The following WFDC11 variants were observed in gnomAD, a reference collection of about 807,000 sequenced individuals.
The protein encoded by WFDC11 is protein WFDC11.
Under a neutral mutation model 9.9 loss-of-function variants are expected in WFDC11, and 9 were observed. The observed-to-expected ratio is 0.91, with a 90% CI of 0.55 to 1.58. WFDC11 has a LOEUF of 1.58. Among genes scored for constraint, WFDC11 ranks in the 40% most tolerant of loss-of-function variants. The pLI, the probability that WFDC11 is intolerant of heterozygous loss-of-function variation, is 0.00. For missense variants in WFDC11, 106 were observed against 101.7 expected, an observed-to-expected ratio of 1.04 and a Z score of -0.18; for synonymous variants, 32 against 33.3, an observed-to-expected ratio of 0.96 and a Z score of 0.13.
chr20:45,663,980 G>T (rs1272658768), intron 2 of WFDC11, among the ~76,000 whole-genome samples: 1 of 152,194 alleles, frequency 6.6e-6, no homozygotes, highest in Non-Finnish European at 1.5e-5. Context: ...GGATATCCTT[G>T]TTAACCCTCT....
rs755525184 is a variant in WFDC11 at position 45,650,467 on chromosome 20, C to A, written c.100+34G>T. ...CTTGTTCAGAAACAAGCTCATCCCC[C>A]TCCTGTGGCCCCTAATCCAGCCTCA... On this transcript the variant is annotated intron_variant, in intron 3 of 4. Transcript: ENST00000324384. The A allele has an allele frequency of 1.5e-5, 23 of 1,573,944 alleles. No homozygotes were observed. The African/African-American group carries it at 2.7e-4, about 18-fold the overall frequency.
chr20:45,660,601 T>G (rs1983035760), intron 2 of WFDC11, among the ~76,000 whole-genome samples: 1 of 152,132 alleles, frequency 6.6e-6, no homozygotes, highest in Non-Finnish European at 1.5e-5. Context: ...GAGTGTGATG[T>G]TCCCCTTTCT....
intron 2 of WFDC11, among the ~76,000 whole-genome samples, chr20:45,658,591 C>G (rs1346591239): frequency 6.6e-6 from 1 of 151,882 alleles, no homozygotes; most frequent in Non-Finnish European, 1.5e-5. Flanking sequence ...GATTTTCTCT[C>G]TTATTTTCTC....
At chr20:45,666,137 C>T (rs373073391) in intron 2 of WFDC11, among the ~76,000 whole-genome samples, 2 of 152,166 alleles carry the variant, frequency 1.3e-5, no homozygotes, top group East Asian at 3.8e-4. Flanking sequence ...TGATGGACAC[C>T]CCTCCCCCCG....
chr20:45,660,564 C>A (rs1983034545), intron 2 of WFDC11, among the ~76,000 whole-genome samples: 1 of 152,104 alleles, frequency 6.6e-6, no homozygotes, highest in African/African-American at 2.4e-5. Context: ...ATCCCTCCCG[C>A]CTCTCCCCAC....
At chr20:45,652,620 T>C (rs1568661348) in intron 2 of WFDC11, among the ~76,000 whole-genome samples, 1 of 150,940 alleles carries the variant, frequency 6.6e-6, no homozygotes, top group Non-Finnish European at 1.5e-5. Flanking sequence ...CTTCAGACGA[T>C]CAAACTACTC....
At chr20:45,649,207 G>A in intron 4 of WFDC11, 50 bp downstream of exon 4, 1 of 1,604,090 alleles carries the variant, frequency 6.2e-7, no homozygotes, top group Non-Finnish European at 8.5e-7. Flanking sequence ...TCCGAGAAGG[G>A]AATGAGAATC....
At chr20:45,660,816 T>C (rs1983043236) in intron 2 of WFDC11, among the ~76,000 whole-genome samples, 2 of 152,232 alleles carry the variant, frequency 1.3e-5, no homozygotes, top group African/African-American at 4.8e-5. Context: ...CAGTCTATCA[T>C]TGTTGGACAT....
Position 45,648,804 on chromosome 20 carries a change from C to G in WFDC11, c.244-65G>C, listed in dbSNP as rs571768870. 310 of 1,511,108 alleles carry G rather than the reference C, an allele frequency of 2.1e-4. 3 individuals are homozygous for G. In the South Asian group the frequency reaches 3.4e-3, roughly 16 times the overall value. The allele number at this position is 1,511,108 out of a possible 1,614,324, so 93.6% of individuals were successfully genotyped here. A position where few individuals can be genotyped will look rare whatever the true frequency, so the allele number is the denominator to read the frequency against. On this transcript the variant is annotated intron_variant, in intron 4 of 4. Coordinates refer to ENST00000324384, the MANE Select transcript of WFDC11 (RefSeq NM_147197.2). ...CTCTGAGAAACAAGCATTCATTCCC[C>G]CTGCTTAATAGTATCCATGTTCACC... is the stretch of plus-strand genomic sequence containing the variant.
chr20:45,650,410 A>T, intron 3 of WFDC11, 91 bp downstream of exon 3: 1 of 1,026,052 alleles, frequency 9.7e-7, no homozygotes. Flanking sequence ...GTGGGTCCTG[A>T]GTCAGATACA....
At chr20:45,649,485 C>T (rs1233563112) in intron 3 of WFDC11, 86 bp from the exon 4 acceptor site, 11 of 1,506,006 alleles carry the variant, frequency 7.3e-6, no homozygotes, top group Non-Finnish European at 9.8e-6. Flanking sequence ...TTAACAGTTC[C>T]TCCTGGAATC....
chr20:45,666,378 C>T (rs943742327), intron 2 of WFDC11, among the ~76,000 whole-genome samples: 1 of 152,232 alleles, frequency 6.6e-6, no homozygotes, highest in Non-Finnish European at 1.5e-5. Flanking sequence ...CTTGCCCTTC[C>T]CAGGTGAGGC....
intron 2 of WFDC11, among the ~76,000 whole-genome samples, chr20:45,660,003 G>C (rs1983021471): frequency 6.6e-6 from 1 of 152,082 alleles, no homozygotes; most frequent in South Asian, 2.1e-4. Context: ...TTTCAGCTTT[G>C]TCAAAGATCA....
chr20:45,664,467 T>A (rs945130457), intron 2 of WFDC11, among the ~76,000 whole-genome samples: 45 of 152,224 alleles, frequency 3.0e-4, no homozygotes, highest in African/African-American at 1.1e-3. Flanking sequence ...CATTATGATG[T>A]TAGCTGGTTA....
At chr20:45,654,060 T>C (rs918448744) in intron 2 of WFDC11, among the ~76,000 whole-genome samples, 7 of 152,160 alleles carry the variant, frequency 4.6e-5, no homozygotes, top group Non-Finnish European at 1.0e-4. Context: ...GGAATTGAAC[T>C]CAGCTCTGCA....
chr20:45,663,867 T>A (rs1983128328), intron 2 of WFDC11, among the ~76,000 whole-genome samples: 2 of 152,186 alleles, frequency 1.3e-5, no homozygotes, highest in Admixed American at 6.5e-5. Flanking sequence ...AATTTTAGAA[T>A]AAGTGCGATG....
intron 2 of WFDC11, among the ~76,000 whole-genome samples, chr20:45,656,098 G>A (rs1982924773): frequency 6.6e-6 from 1 of 151,864 alleles, no homozygotes; most frequent in South Asian, 2.1e-4. Context: ...AAGTTCATAT[G>A]GAACCAAAAA....
intron 3 of WFDC11, among the ~76,000 whole-genome samples, chr20:45,649,636 C>T (rs1982758887): frequency 6.6e-6 from 1 of 152,190 alleles, no homozygotes; most frequent in Non-Finnish European, 1.5e-5. Flanking sequence ...CCTCTGCAGG[C>T]TTTACCAGTG....
rs6032412 is a variant in WFDC11 at position 45,658,977 on chromosome 20, C to G, written c.-52+8111G>C. On this transcript the variant is annotated intron_variant, in intron 2 of 4. Transcript: ENST00000324384. Reference sequence around the variant, plus strand: ...AACATGCAGTGTTTGGTTTTCTGTCCTTGTGTTAGTTTGCTGAGAATGATG... The same window carrying G: ...AACATGCAGTGTTTGGTTTTCTGTCGTTGTGTTAGTTTGCTGAGAATGATG... 6.0e-3 allele frequency among the ~76,000 whole-genome samples: 914 copies of G among 151,586 alleles called. 7 individuals carry two copies. The highest frequency in any genetic ancestry group is 0.019 in the African/African-American group (769 of 41,056).
Sources: allele counts gnomAD v4.1 joint callset (sites outside exome capture counted in the v4.1 genomes callset), GRCh38; gene constraint gnomAD v4.1.1; transcripts MANE v1.5; gene names NCBI Gene and HGNC (gene_info 2026-07-23, HGNC 2026-07-21).